The following ADAMTSL1 variants were observed in gnomAD, a reference collection of about 807,000 sequenced individuals.
ADAMTSL1 encodes the protein ADAMTS like 1.
In ADAMTSL1, 126 loss-of-function variants were observed where a neutral mutation model predicts 201.8. The ratio of observed to expected loss-of-function variants is 0.62; its 90% confidence interval spans 0.54 to 0.72. The LOEUF (loss-of-function observed/expected upper bound fraction) is 0.72. Ranked by LOEUF, ADAMTSL1 falls within the 30% of genes least tolerant of loss-of-function variation. ADAMTSL1 has a pLI of 0.00. For synonymous variants in ADAMTSL1, 1,121 were observed against 903.4 expected (o/e 1.24, Z -4.32); for missense variants, 2,679 against 2,277.8 (o/e 1.18, Z -3.59).
chr9:18,102,422 A>G (rs1275268034), intron 1 of ADAMTSL1, among the ~76,000 whole-genome samples: 1 of 152,212 alleles, frequency 6.6e-6, no homozygotes, highest in East Asian at 1.9e-4. Context: ...TTATCTTATG[A>G]ATTATATACA....
chr9:18,525,361 T>C (rs2132057087), intron 2 of ADAMTSL1, among the ~76,000 whole-genome samples: 1 of 152,346 alleles, frequency 6.6e-6, no homozygotes, highest in Middle Eastern at 3.4e-3. Flanking sequence ...GCTAGTGGTC[T>C]ATCAATTTTG....
At chr9:18,313,958 A>G (rs528413727) in intron 2 of ADAMTSL1, among the ~76,000 whole-genome samples, 2 of 152,314 alleles carry the variant, frequency 1.3e-5, no homozygotes, top group East Asian at 1.9e-4. Flanking sequence ...TACAAAACAT[A>G]TAAGGAACTC....
At chr9:17,988,968 C>A (rs1265612791) in intron 1 of ADAMTSL1, among the ~76,000 whole-genome samples, 2 of 151,778 alleles carry the variant, frequency 1.3e-5, no homozygotes, top group Admixed American at 6.6e-5. Context: ...ATACTAAGAA[C>A]AAAATGATTT....
At chr9:18,666,341 C>G (rs1564132525) in intron 9 of ADAMTSL1, among the ~76,000 whole-genome samples, 1 of 152,132 alleles carries the variant, frequency 6.6e-6, no homozygotes, top group African/African-American at 2.4e-5. Context: ...GATTTAATGA[C>G]TTTTAGATAA....
chr9:17,929,270 C>T (rs118017852), intron 1 of ADAMTSL1, among the ~76,000 whole-genome samples: 3,561 of 152,096 alleles, frequency 0.023, 51 homozygotes, highest in Non-Finnish European at 0.033. Flanking sequence ...TCAGCCTTTT[C>T]GTTATCACCT....
At chr9:18,641,591 C>G (rs1417816951) in intron 7 of ADAMTSL1, among the ~76,000 whole-genome samples, 1 of 151,992 alleles carries the variant, frequency 6.6e-6, no homozygotes, top group African/African-American at 2.4e-5. Flanking sequence ...CTTTAGAAAA[C>G]ACTGGGAATC....
At chr9:17,974,963 A>G (rs1471056965) in intron 1 of ADAMTSL1, among the ~76,000 whole-genome samples, 1 of 152,058 alleles carries the variant, frequency 6.6e-6, no homozygotes, top group East Asian at 1.9e-4. Flanking sequence ...TAATGGTTGC[A>G]CTAATTTACA....
intron 2 of ADAMTSL1, among the ~76,000 whole-genome samples, chr9:18,505,875 G>A (rs1340470218): frequency 6.6e-6 from 1 of 152,184 alleles, no homozygotes; most frequent in Non-Finnish European, 1.5e-5. Flanking sequence ...ACTTTAATAA[G>A]AGTGAGAATT....
chr9:18,253,618 A>G (rs974987279), intron 2 of ADAMTSL1, among the ~76,000 whole-genome samples: 22 of 152,292 alleles, frequency 1.4e-4, no homozygotes, highest in African/African-American at 4.8e-4. Flanking sequence ...CTCTGTGGGC[A>G]AAGTCAGGGG....
intron 2 of ADAMTSL1, among the ~76,000 whole-genome samples, chr9:18,350,445 C>T (rs557445083): frequency 1.3e-5 from 2 of 152,234 alleles, no homozygotes; most frequent in East Asian, 1.9e-4. Context: ...CTAGCCTGTA[C>T]CCCAAGTTTG....
intron 23 of ADAMTSL1, among the ~76,000 whole-genome samples, chr9:18,835,671 T>G (rs1563842048): frequency 6.6e-6 from 1 of 152,118 alleles, no homozygotes; most frequent in Non-Finnish European, 1.5e-5. Context: ...CCTCTCTCAT[T>G]AGTAGTCCCC....
intron 7 of ADAMTSL1, among the ~76,000 whole-genome samples, chr9:18,654,595 A>G (rs1828503332): frequency 6.6e-6 from 1 of 152,214 alleles, no homozygotes; most frequent in African/African-American, 2.4e-5. Flanking sequence ...AATTATTTCA[A>G]AATTAGGTAT....
intron 13 of ADAMTSL1, among the ~76,000 whole-genome samples, chr9:18,703,058 C>T (rs1366418435): frequency 6.6e-6 from 1 of 152,078 alleles, no homozygotes; most frequent in Non-Finnish European, 1.5e-5. Flanking sequence ...GCCCGGCCGA[C>T]AAGAAGAATT....
At chr9:18,084,531 A>T (rs1823657525) in intron 1 of ADAMTSL1, among the ~76,000 whole-genome samples, 1 of 151,814 alleles carries the variant, frequency 6.6e-6, no homozygotes, top group South Asian at 2.1e-4. Context: ...CAAAAAAAAA[A>T]GAAAAGAAAA....
intron 1 of ADAMTSL1, among the ~76,000 whole-genome samples, chr9:18,497,338 T>G (rs1822581414): frequency 7.8e-6 from 1 of 128,558 alleles, no homozygotes; most frequent in Admixed American, 8.5e-5. Flanking sequence ...CCACTTTTCC[T>G]TTGTAAAATA....
intron 2 of ADAMTSL1, among the ~76,000 whole-genome samples, chr9:18,406,438 C>T (rs1048720283): frequency 6.6e-6 from 1 of 151,982 alleles, no homozygotes; most frequent in Non-Finnish European, 1.5e-5. Context: ...AAGCGACTCT[C>T]CTGCCTCAGC....
At chr9:18,019,681 A>T (rs1432039744) in intron 1 of ADAMTSL1, among the ~76,000 whole-genome samples, 1 of 152,114 alleles carries the variant, frequency 6.6e-6, no homozygotes, top group Non-Finnish European at 1.5e-5. Flanking sequence ...GTCATGGGTG[A>T]CCCACTAAGC....
chr9:18,102,991 G>A (rs1824596699), intron 1 of ADAMTSL1, among the ~76,000 whole-genome samples: 1 of 152,150 alleles, frequency 6.6e-6, no homozygotes, highest in African/African-American at 2.4e-5. Context: ...CATTTGAACT[G>A]ATGCCCTTGA....
chr9:18,012,141 G>C (rs1326029977), intron 1 of ADAMTSL1, among the ~76,000 whole-genome samples: 1 of 152,028 alleles, frequency 6.6e-6, no homozygotes, highest in Non-Finnish European at 1.5e-5. Flanking sequence ...CTTGTCTTGT[G>C]AGAGAGAACC....
Sources: gnomAD v4.1 joint callset for allele counts (sites outside exome capture counted in the v4.1 genomes callset) on GRCh38, gnomAD v4.1.1 for gene constraint, MANE v1.5 for transcripts, NCBI Gene and HGNC (gene_info 2026-07-23, HGNC 2026-07-21) for gene names.